Variants in DNM3 observed in about 807,000 individuals in gnomAD.
DNM3 encodes dynamin 3.
A neutral mutation model predicts 101.6 loss-of-function variants in DNM3; 47 were observed. The ratio of observed to expected loss-of-function variants is 0.46; its 90% CI spans 0.37 to 0.59. The LOEUF is 0.59. Ranked by LOEUF, DNM3 falls within the 20% of genes least tolerant of loss-of-function variation. DNM3 has a pLI of 0.00. For missense variants in DNM3, 849 were observed against 1,085.7 expected (o/e 0.78, Z 3.06); for synonymous variants, 385 against 387.9 (o/e 0.99, Z 0.09).
intron 1 of DNM3, among the ~76,000 whole-genome samples, chr1:171,906,013 T>C (rs897731242): frequency 1.3e-5 from 2 of 152,188 alleles, no homozygotes; most frequent in African/African-American, 4.8e-5. Context: ...AGTTACTAGA[T>C]TGTTTAGCCT....
chr1:172,320,347 C>T (rs1490814759), intron 16 of DNM3, among the ~76,000 whole-genome samples: 1 of 146,848 alleles, frequency 6.8e-6, no homozygotes, highest in Non-Finnish European at 1.5e-5. Context: ...CTAACCTGAA[C>T]ATTGTGCACA....
At chr1:172,096,849 T>A (rs535435230) in intron 13 of DNM3, among the ~76,000 whole-genome samples, 1 of 152,344 alleles carries the variant, frequency 6.6e-6, no homozygotes, top group South Asian at 2.1e-4. Context: ...TGTAATGGAA[T>A]AGTTTGAAGG....
intron 4 of DNM3, among the ~76,000 whole-genome samples, chr1:172,017,444 T>G (rs1407080318): frequency 6.6e-6 from 1 of 152,204 alleles, no homozygotes; most frequent in Non-Finnish European, 1.5e-5. Context: ...TAAGATTTTT[T>G]TTACCCATAT....
chr1:172,013,318 G>T (rs1297321174), intron 4 of DNM3, among the ~76,000 whole-genome samples: 1 of 151,930 alleles, frequency 6.6e-6, no homozygotes, highest in Non-Finnish European at 1.5e-5. Flanking sequence ...ACAAATCTAG[G>T]TAACATGGTA....
intron 14 of DNM3, among the ~76,000 whole-genome samples, chr1:172,156,189 C>A (rs925813733): frequency 6.6e-6 from 1 of 152,062 alleles, no homozygotes; most frequent in Non-Finnish European, 1.5e-5. Context: ...TATTTAGCAA[C>A]CCAGACAGTA....
intron 14 of DNM3, among the ~76,000 whole-genome samples, chr1:172,185,891 C>T (rs1169970613): frequency 2.0e-5 from 3 of 152,016 alleles, no homozygotes; most frequent in East Asian, 3.9e-4. Flanking sequence ...TTTTGTCTGA[C>T]GAATTTGGCC....
chr1:172,385,888 C>G (rs532015891), intron 18 of DNM3, among the ~76,000 whole-genome samples: 1 of 152,180 alleles, frequency 6.6e-6, no homozygotes, highest in Non-Finnish European at 1.5e-5. Flanking sequence ...AATTGCTGCA[C>G]TACTGTAAAA....
chr1:171,854,476 C>G (rs2033355625), intron 1 of DNM3, among the ~76,000 whole-genome samples: 1 of 152,066 alleles, frequency 6.6e-6, no homozygotes, highest in African/African-American at 2.4e-5. Flanking sequence ...TCTGGATGAT[C>G]AAAGGAAAAG....
At chr1:172,133,917 T>A (rs1270143521) in intron 14 of DNM3, among the ~76,000 whole-genome samples, 1 of 152,102 alleles carries the variant, frequency 6.6e-6, no homozygotes, top group East Asian at 1.9e-4. Flanking sequence ...CCCTACCCAA[T>A]GGTTTGGATT....
intron 2 of DNM3, among the ~76,000 whole-genome samples, chr1:171,980,387 T>A (rs1017821207): frequency 6.6e-6 from 1 of 152,200 alleles, no homozygotes; most frequent in African/African-American, 2.4e-5. Context: ...ATATACCATG[T>A]GTAATGATCA....
chr1:171,859,548 A>G (rs989173855), intron 1 of DNM3, among the ~76,000 whole-genome samples: 2 of 152,292 alleles, frequency 1.3e-5, no homozygotes, highest in East Asian at 1.9e-4. Flanking sequence ...TACCTGATTT[A>G]TCTGCAACAT....
At chr1:172,149,837 G>C (rs1047412951) in intron 14 of DNM3, among the ~76,000 whole-genome samples, 2 of 151,540 alleles carry the variant, frequency 1.3e-5, no homozygotes, top group African/African-American at 4.8e-5. Context: ...TTTTTTTGCA[G>C]GGGTGGAGAA....
At chr1:171,983,213 C>T (rs1023607539) in intron 2 of DNM3, among the ~76,000 whole-genome samples, 1 of 152,040 alleles carries the variant, frequency 6.6e-6, no homozygotes, top group Non-Finnish European at 1.5e-5. Flanking sequence ...CCAGCACTTT[C>T]AGAAGCCAAG....
chr1:172,029,193 T>C (rs2048423141), intron 4 of DNM3, among the ~76,000 whole-genome samples: 1 of 152,136 alleles, frequency 6.6e-6, no homozygotes, highest in African/African-American at 2.4e-5. Context: ...CAGCAGCACA[T>C]CAAACAGCTT....
intron 2 of DNM3, among the ~76,000 whole-genome samples, chr1:171,952,867 T>C (rs1490676563): frequency 6.6e-6 from 1 of 152,202 alleles, no homozygotes; most frequent in Admixed American, 6.5e-5. Context: ...CTATTTTCTC[T>C]TAGAGTGTTA....
At chr1:172,222,044 A>G (rs2060926239) in intron 14 of DNM3, among the ~76,000 whole-genome samples, 1 of 152,140 alleles carries the variant, frequency 6.6e-6, no homozygotes, top group Admixed American at 6.6e-5. Context: ...GGGAATAGAT[A>G]AGGAGACTAG....
intron 1 of DNM3, among the ~76,000 whole-genome samples, chr1:171,875,843 G>A (rs1022145086): frequency 2.3e-4 from 23 of 102,132 alleles, no homozygotes; most frequent in Non-Finnish European, 4.0e-4. Flanking sequence ...ATGGAGTATC[G>A]TTCTGTCGCC....
At chr1:172,238,635 A>G (rs1354585599) in intron 14 of DNM3, among the ~76,000 whole-genome samples, 3 of 152,096 alleles carry the variant, frequency 2.0e-5, no homozygotes, top group African/African-American at 7.2e-5. Context: ...AGAGGTAAGC[A>G]TGCAGTCCCA....
chr1:172,102,172 TTAAAA>T (rs1451551468), intron 13 of DNM3, among the ~76,000 whole-genome samples: 27 of 152,294 alleles, frequency 1.8e-4, no homozygotes, highest in African/African-American at 5.8e-4. Context: ...AAAATTTTTC[TTAAAA>T]TAAAGCCATT....
Sources: allele counts gnomAD v4.1 joint callset (sites outside exome capture counted in the v4.1 genomes callset), GRCh38; gene constraint gnomAD v4.1.1; transcripts MANE v1.5; gene names NCBI Gene and HGNC (gene_info 2026-07-23, HGNC 2026-07-21).